Variants in AGPAT5 observed in about 807,000 individuals in gnomAD.
AGPAT5 encodes 1-acyl-sn-glycerol-3-phosphate acyltransferase epsilon.
In AGPAT5, 46 loss-of-function variants were observed where a neutral mutation model predicts 45.6. That is an observed-to-expected ratio of 1.01 (90% confidence interval 0.80 to 1.29). The LOEUF (loss-of-function observed/expected upper bound fraction) is 1.29. Among genes scored for constraint, AGPAT5 ranks in the 50% most tolerant of loss-of-function variants. The pLI, the probability that AGPAT5 is intolerant of heterozygous loss-of-function variation, is 0.00. For missense variants in AGPAT5, 673 were observed against 450.7 expected (o/e 1.49, Z -4.47); for synonymous variants, 272 against 167.0 (o/e 1.63, Z -4.85).
chr8:6,745,611 ACCT>A (rs1468346741), intron 5 of AGPAT5: 1 of 151,858 alleles, frequency 6.6e-6, no homozygotes, highest in African/African-American at 2.4e-5. Context: ...GATAAATATC[ACCT>A]CCTCTTCCTT....
intron 4 of AGPAT5, among the ~76,000 whole-genome samples, chr8:6,734,269 ATT>A (rs944464074): frequency 7.0e-6 from 1 of 143,690 alleles, no homozygotes; most frequent in African/African-American, 2.5e-5. Context: ...TTTTTTTTTA[ATT>A]TTTTTTTTTA....
chr8:6,730,843 C>T lies in AGPAT5; in HGVS notation c.405+17C>T, dbSNP rs754164077. On this transcript the variant is annotated intron_variant, in intron 3 of 7. Coordinates refer to ENST00000285518, the MANE Select transcript of AGPAT5 (RefSeq NM_018361.5). ...TTTGCTCAGGTAACTTGTTTCCATG[C>T]TTTTCTCTCTATATATGTAGTTTAT... is the stretch of plus-strand genomic sequence containing the variant. 5.9e-6 allele frequency: 9 copies of T among 1,519,800 alleles called. No homozygotes were observed. In the African/African-American group the frequency reaches 1.1e-4, roughly 19 times the overall value. The allele number at this position is 1,519,800 out of a possible 1,614,324, so 94.1% of individuals were successfully genotyped here.
chr8:6,732,167 A>G (rs1264175896), intron 3 of AGPAT5, among the ~76,000 whole-genome samples: 3 of 73,566 alleles, frequency 4.1e-5, no homozygotes, highest in Non-Finnish European at 7.1e-5. Flanking sequence ...TAAAATCCCT[A>G]AAGATCGTGA....
At chr8:6,725,234 T>C (rs888697906) in intron 2 of AGPAT5, among the ~76,000 whole-genome samples, 9 of 152,228 alleles carry the variant, frequency 5.9e-5, no homozygotes, top group Middle Eastern at 3.2e-3. Flanking sequence ...TCATTCTTTT[T>C]GTAAGTGATG....
chr8:6,753,946 T>C (rs1206275571), intron 6 of AGPAT5, among the ~76,000 whole-genome samples: 6 of 152,080 alleles, frequency 3.9e-5, no homozygotes, highest in Admixed American at 6.6e-5. Flanking sequence ...ACGGGAAGTG[T>C]GTGGGGTTGA....
rs1203178861 is a variant in AGPAT5 at position 6,732,555 on chromosome 8, T to G, written c.406-6T>G. 6.3e-7 allele frequency: 1 copy of G among 1,592,240 alleles called. No individual in the cohort carries two copies. Among genetic ancestry groups the G allele is most frequent in the Non-Finnish European group, 8.5e-7 (1 of 1,173,948 alleles). Reference sequence around the variant, plus strand: ...AATGCTCTTTCTCCCGATTTGATTGTGGCAGCATGGAGGAATCTATGTAAA... The same window carrying G: ...AATGCTCTTTCTCCCGATTTGATTGGGGCAGCATGGAGGAATCTATGTAAA... On this transcript the variant is annotated splice_region_variant and splice_polypyrimidine_tract_variant and intron_variant, in intron 3 of 7. Coordinates refer to ENST00000285518, the MANE Select transcript of AGPAT5 (RefSeq NM_018361.5).
intron 1 of AGPAT5, among the ~76,000 whole-genome samples, chr8:6,716,820 C>T (rs755393803): frequency 6.6e-5 from 10 of 151,798 alleles, no homozygotes; most frequent in African/African-American, 2.4e-4. Flanking sequence ...GCAACAAGAG[C>T]GAAATTCCGT....
At chr8:6,724,046 C>A (rs894221804) in intron 1 of AGPAT5, among the ~76,000 whole-genome samples, 22 of 152,148 alleles carry the variant, frequency 1.4e-4, no homozygotes, top group African/African-American at 5.3e-4. Flanking sequence ...CTCCCAGTTT[C>A]TTGAAAAATT....
At chr8:6,746,074 G>GTTTT in intron 5 of AGPAT5, 2 of 121,878 alleles carry the variant, frequency 1.6e-5, no homozygotes, top group East Asian at 5.0e-4. Context: ...TTTTCTTTCT[G>GTTTT]CATTCTTCTC....
At chr8:6,713,602 A>G (rs1800225767) in intron 1 of AGPAT5, among the ~76,000 whole-genome samples, 1 of 152,182 alleles carries the variant, frequency 6.6e-6, no homozygotes, top group African/African-American at 2.4e-5. Context: ...TGCCCAAACC[A>G]GAGGTGCAGT....
chr8:6,742,080 T>C (rs1801260865), intron 5 of AGPAT5, among the ~76,000 whole-genome samples: 1 of 152,192 alleles, frequency 6.6e-6, no homozygotes, highest in African/African-American at 2.4e-5. Context: ...TAATGGAGCT[T>C]CTGTTTTGTA....
Position 6,757,429 on chromosome 8 carries a change from CTA to C in AGPAT5, c.*43_*44del, listed in dbSNP as rs1415858790. ...CAGACAGTGGGATGTGCTACATTGT[CTA>C]TTTTTGGCGGCTGCACATGACATCA... On this transcript the variant is annotated 3_prime_UTR_variant, in exon 8 of 8. Transcript: ENST00000285518. 1 of 1,533,340 alleles carries C rather than the reference CTA, an allele frequency of 6.5e-7. No homozygotes were observed. The highest frequency in any genetic ancestry group is 9.0e-7 in the Non-Finnish European group (1 of 1,111,196). 95.0% of individuals were successfully genotyped at this position (1,533,340 alleles called of 1,614,324 possible). A position where few individuals can be genotyped will look rare whatever the true frequency, so the allele number is the denominator to read the frequency against.
intron 6 of AGPAT5, among the ~76,000 whole-genome samples, chr8:6,748,055 C>T (rs969214325): frequency 1.3e-5 from 2 of 148,464 alleles, no homozygotes; most frequent in Admixed American, 6.7e-5. Flanking sequence ...CACCAATTAT[C>T]ATTAATCCAG....
At chr8:6,710,034 A>G (rs942701637) in intron 1 of AGPAT5, among the ~76,000 whole-genome samples, 13 of 152,196 alleles carry the variant, frequency 8.5e-5, no homozygotes, top group African/African-American at 2.9e-4. Flanking sequence ...GTCTAAATGT[A>G]TGATTTTTAT....
At chr8:6,723,911 C>G (rs1198089012) in intron 1 of AGPAT5, among the ~76,000 whole-genome samples, 1 of 152,132 alleles carries the variant, frequency 6.6e-6, no homozygotes, top group Non-Finnish European at 1.5e-5. Context: ...CAAGATAGAT[C>G]TAAAAAGCCT....
At chr8:6,736,598 A>T (rs1369542846) in intron 4 of AGPAT5, among the ~76,000 whole-genome samples, 1 of 152,098 alleles carries the variant, frequency 6.6e-6, no homozygotes, top group Non-Finnish European at 1.5e-5. Flanking sequence ...GTGTTTGGTT[A>T]AGTTATTTGT....
intron 5 of AGPAT5, among the ~76,000 whole-genome samples, chr8:6,745,002 T>A (rs879711792): frequency 1.1e-4 from 17 of 152,370 alleles, no homozygotes; most frequent in Admixed American, 1.1e-3. Flanking sequence ...CTTTTATTTT[T>A]CTCCTTTTGA....
chr8:6,723,695 G>A (rs1000051761), intron 1 of AGPAT5, among the ~76,000 whole-genome samples: 1 of 152,164 alleles, frequency 6.6e-6, no homozygotes, highest in African/African-American at 2.4e-5. Context: ...AAAACTCATT[G>A]TGCAAATGTT....
At chr8:6,738,686 C>T (rs1168527595) in intron 4 of AGPAT5, 1 of 152,178 alleles carries the variant, frequency 6.6e-6, no homozygotes, top group Non-Finnish European at 1.5e-5. Flanking sequence ...ATGAGCCTGT[C>T]ACTCCTAAGA....
Sources: gnomAD v4.1 joint callset for allele counts (sites outside exome capture counted in the v4.1 genomes callset) on GRCh38, gnomAD v4.1.1 for gene constraint, MANE v1.5 for transcripts, NCBI Gene and HGNC (gene_info 2026-07-23, HGNC 2026-07-21) for gene names.